Variants in MUC6 observed in about 807,000 individuals in gnomAD.
MUC6 encodes the protein mucin 6, oligomeric mucus/gel-forming (gene/pseudogene).
A neutral mutation model predicts 201.5 loss-of-function variants in MUC6; 188 were observed. The observed-to-expected ratio is 0.93, with a 90% confidence interval of 0.83 to 1.05. The LOEUF (loss-of-function observed/expected upper bound fraction) is 1.05, where lower values mean the gene tolerates loss of function less well. Ranked by LOEUF, MUC6 falls within the 50% of genes least tolerant of loss-of-function variation. The pLI is 0.00. For synonymous variants in MUC6, 1,228 were observed against 1,389.4 expected (o/e 0.88, Z 2.58); for missense variants, 2,706 against 3,256.9 (o/e 0.83, Z 4.12).
chr11:1,030,483 A>G, intron 7 of MUC6, 90 bp downstream of exon 7: 2 of 1,433,222 alleles, frequency 1.4e-6, no homozygotes, highest in Non-Finnish European at 1.9e-6. Context: ...GGAGGGATGC[A>G]GGCGTCACGT....
intron 24 of MUC6, among the ~76,000 whole-genome samples, chr11:1,024,635 C>T (rs562916617): frequency 5.3e-5 from 8 of 152,244 alleles, no homozygotes; most frequent in South Asian, 2.1e-4. Context: ...GGGTGGAGGC[C>T]GGGGGGCTGC....
chr11:1,015,911 G>A lies in MUC6; in HGVS notation c.6890C>T (p.Thr2297Ile). The A allele has an allele frequency of 6.2e-7, 1 of 1,606,424 alleles. No individual in the cohort carries two copies. The highest frequency in any genetic ancestry group is 8.5e-7 in the Non-Finnish European group (1 of 1,175,626). Reference sequence around the variant, plus strand: ...GGTGGTAAGGTTGGTGACTGGAGAGGTGGGGATACCCGTCACCCCCGAGGT... The same window carrying A: ...GGTGGTAAGGTTGGTGACTGGAGAGATGGGGATACCCGTCACCCCCGAGGT... ...SLTSGVTGIP[T>I]SPVTNLTTRH... The change falls in exon 31 of 33, where the codon ACC becomes ATC. Residue 2297 changes from threonine (T) to isoleucine (I), a missense_variant. Thr to Ile is a moderately conservative substitution (Grantham distance 89). Coordinates refer to ENST00000421673, the MANE Select transcript of MUC6 (RefSeq NM_005961.3).
intron 23 of MUC6, 48 bp downstream of exon 23, chr11:1,025,134 A>T: frequency 6.2e-7 from 1 of 1,610,590 alleles, no homozygotes; most frequent in Non-Finnish European, 8.5e-7. Flanking sequence ...ATCTGTCTCC[A>T]CCCCTGCATC....
In MUC6 at chr11:1,024,133, G is replaced by C. The variant is rs764354242; in HGVS notation, c.3226-30C>G. Reference sequence around the variant, plus strand: ...AGGGGTGTGTGCCAGTCAGTGTCTGGCTGCCGGGGGATGGCGGGGCATCAG... The same window carrying C: ...AGGGGTGTGTGCCAGTCAGTGTCTGCCTGCCGGGGGATGGCGGGGCATCAG... On this transcript the variant is annotated intron_variant, in intron 24 of 32. Coordinates refer to ENST00000421673, the MANE Select transcript of MUC6 (RefSeq NM_005961.3). The C allele has an allele frequency of 3.1e-6, 5 of 1,598,200 alleles. No individual in the cohort carries two copies. The Admixed American group carries it at 8.4e-5, about 27-fold the overall frequency.
chr11:1,016,547 G>A lies in MUC6; in HGVS notation c.6254C>T (p.Ser2085Phe), dbSNP rs774113788. ...CCAAGACGAGGAGGATATGAAGGAA[G>A]AAGAGGCTGTAGCTGTGCTGAATGA... Reference protein sequence around the residue: ...HSSFSTATASSSFISSSSWLP... With the variant: ...HSSFSTATASFSFISSSSWLP... The change falls in exon 31 of 33, where the codon TCT becomes TTT. Residue 2085 changes from serine (S) to phenylalanine (F), a missense_variant. Coordinates refer to ENST00000421673, the MANE Select transcript of MUC6 (RefSeq NM_005961.3). The A allele has an allele frequency of 1.9e-6, 3 of 1,613,388 alleles. No homozygotes were observed. Among genetic ancestry groups the A allele is most frequent in the Middle Eastern group, 1.7e-4 (1 of 6,060 alleles).
Position 1,016,077 on chromosome 11 carries a change from C to A in MUC6, c.6724G>T (p.Ala2242Ser). ...GACGGAAATGCAATGGTGCTGGAGGCTAGGTGGCTGGATGGGGTGGGAGAC... is the reference window on the plus strand; with the variant it reads ...GACGGAAATGCAATGGTGCTGGAGGATAGGTGGCTGGATGGGGTGGGAGAC... ...TVSPTPSSHLASSTIAFPSTP... is the reference protein window; with the variant it reads ...TVSPTPSSHLSSSTIAFPSTP... The change falls in exon 31 of 33, where the codon GCC (alanine) becomes TCC (serine). Residue 2242 changes from alanine to serine, a missense_variant. Around this residue, in one of 10 missense-constraint regions of MUC6, gnomAD observed 586 missense variants for 488.0 expected, o/e 1.20. Transcript: ENST00000421673. 6.2e-7 allele frequency: 1 copy of A among 1,612,524 alleles called. No homozygotes were observed. The highest frequency in any genetic ancestry group is 8.5e-7 in the Non-Finnish European group (1 of 1,179,102).
At position 1,018,557 on chromosome 11, in the gene MUC6, GGACTCCCCGCCGTAGGC is replaced by G; in HGVS notation, c.4227_4243del (p.Pro1410ArgfsTer25). On this transcript the variant is annotated frameshift_variant, in exon 31 of 33. Transcript: ENST00000421673. LOFTEE classifies it high-confidence loss of function. ...AGTGACAGGACCTGTGGAAGGGACG[GGACTCCCCGCCGTAGGC>G]GGGGAGTGTGTGGTGTGTGGGGTTT... 6.2e-7 allele frequency: 1 copy of G among 1,613,260 alleles called. No homozygotes were observed. Among genetic ancestry groups the G allele is most frequent in the Non-Finnish European group, 8.5e-7 (1 of 1,179,582 alleles).
chr11:1,031,083 C>T (rs770763811), intron 5 of MUC6, 27 bp from the exon 6 acceptor site: 118 of 1,548,812 alleles, frequency 7.6e-5, no homozygotes, highest in Middle Eastern at 1.9e-4. Context: ...GGGTCAGCAC[C>T]GTGGGGGCTG....
intron 30 of MUC6, 33 bp downstream of exon 30, chr11:1,019,242 G>A: frequency 1.2e-6 from 2 of 1,604,198 alleles, no homozygotes; most frequent in Non-Finnish European, 1.7e-6. Context: ...GGTGCCTTCG[G>A]CAGTGCTGGC....
chr11:1,014,303 A>G (rs1856551632), intron 31 of MUC6, among the ~76,000 whole-genome samples: 1 of 152,226 alleles, frequency 6.6e-6, no homozygotes, highest in Non-Finnish European at 1.5e-5. Flanking sequence ...CTTGGGCCCC[A>G]GCTTCCCTGA....
chr11:1,035,719 G>A (rs1458824963), intron 1 of MUC6, among the ~76,000 whole-genome samples: 3 of 152,122 alleles, frequency 2.0e-5, no homozygotes, highest in East Asian at 1.9e-4. Flanking sequence ...AGCCCGAGGC[G>A]CCCAGGTTGG....
At position 1,018,293 on chromosome 11, in the gene MUC6, G is replaced by T; in HGVS notation, c.4508C>A (p.Thr1503Lys). The change falls in exon 31 of 33, where the codon ACG becomes AAG. Residue 1503 changes from threonine to lysine, a missense_variant. This residue lies in a region of MUC6 where 128 missense variants were observed against 206.5 expected (regional missense o/e 0.62). Coordinates refer to ENST00000421673, the MANE Select transcript of MUC6 (RefSeq NM_005961.3). ...TGSTHTAPPI[T>K]PTTSGTSQAH... is the part of the protein sequence containing the mutation. ...TTGGCTGGTCCCACTGGTGGTCGGC[G>T]TTATTGGTGGGGCTGTGTGGGTGGA... 1 of 1,601,534 alleles carries T rather than the reference G, an allele frequency of 6.2e-7. No individual in the cohort carries two copies.
At position 1,033,727 on chromosome 11, in the gene MUC6, C is replaced by T. The variant is rs1163228379; in HGVS notation, c.53-652G>A. Among the ~76,000 whole-genome samples the T allele has an allele frequency of 2.0e-5, 3 of 151,980 alleles. No individual in the cohort carries two copies. The highest frequency in any genetic ancestry group is 7.2e-5 in the African/African-American group (3 of 41,382). On this transcript the variant is annotated intron_variant, in intron 1 of 32. Coordinates refer to ENST00000421673, the MANE Select transcript of MUC6 (RefSeq NM_005961.3). The surrounding 1 kb of genome is among the most constrained non-coding windows in gnomAD (Gnocchi z 5.6). ...CCCAGAGGCTGGGGTGGGGCCAACACCCCCCACGTCCCACCCCCTGTACCC... is the reference window on the plus strand; with the variant it reads ...CCCAGAGGCTGGGGTGGGGCCAACATCCCCCACGTCCCACCCCCTGTACCC...
At chr11:1,025,707 C>G in intron 22 of MUC6, 98 bp downstream of exon 22, 1 of 1,185,386 alleles carries the variant, frequency 8.4e-7, no homozygotes, top group East Asian at 2.6e-5. Context: ...GGCTGCATCT[C>G]GGGGCAGGAC....
intron 1 of MUC6, among the ~76,000 whole-genome samples, chr11:1,036,337 C>T (rs1041335172): frequency 4.6e-5 from 7 of 152,210 alleles, no homozygotes; most frequent in African/African-American, 1.2e-4. Flanking sequence ...CGTCCTCCCC[C>T]GCTGGCTGCT....
In MUC6 at chr11:1,029,602, A is replaced by G. The variant is rs374465099; in HGVS notation, c.1029T>C (p.Asn343=). Residue 343 remains asparagine (N), a synonymous_variant, in exon 9 of 33, where the codon AAT becomes AAC. Coordinates refer to ENST00000421673, the MANE Select transcript of MUC6 (RefSeq NM_005961.3). ...CGCAGGTGTGGTTATTGGAGAGGTCATTCAGGACCGTACCTGCAGGAGAGG... is the reference window on the plus strand; with the variant it reads ...CGCAGGTGTGGTTATTGGAGAGGTCGTTCAGGACCGTACCTGCAGGAGAGG... ...GCFCPEGTVL[N]DLSNNHTCVP... 6.8e-5 allele frequency: 108 copies of G among 1,594,910 alleles called. No homozygotes were observed. The highest frequency in any genetic ancestry group is 8.1e-5 in the Non-Finnish European group (95 of 1,168,586).
intron 1 of MUC6, 148 bp downstream of exon 1, chr11:1,036,456 G>T: frequency 1.1e-6 from 1 of 908,460 alleles, no homozygotes; most frequent in Non-Finnish European, 1.6e-6. Context: ...TGGCAGCGGG[G>T]GCTGGTCACG....
chr11:1,028,080 C>T (rs545330029), intron 14 of MUC6, 21 bp from the exon 15 acceptor site: 12 of 1,556,480 alleles, frequency 7.7e-6, no homozygotes, highest in East Asian at 4.8e-5. Context: ...CAGGCCCGGG[C>T]GTGAGTCCCG....
chr11:1,027,697 C>G lies in MUC6; in HGVS notation c.1969G>C (p.Val657Leu), dbSNP rs1215481496. Residue 657 changes from valine to leucine, a missense_variant, in exon 16 of 33, where the codon GTG (valine) becomes CTG (leucine). By Grantham distance (32) the Val-to-Leu change is conservative (BLOSUM62 1). Transcript: ENST00000421673. ...GVLLWGWRSS[V>L]DNCTIPCTGN... ...GTCGGGCACTCACTGCAGTTGTCCA[C>G]ACTGCTTCTCCAGCCCCAGAGCAGG... is the stretch of plus-strand genomic sequence containing the variant. The G allele has an allele frequency of 1.0e-5, 16 of 1,601,584 alleles. No homozygotes were observed. Among genetic ancestry groups the G allele is most frequent in the Non-Finnish European group, 1.4e-5 (16 of 1,174,920 alleles).
Sources: gnomAD v4.1 joint callset for allele counts (sites outside exome capture counted in the v4.1 genomes callset) on GRCh38, gnomAD v4.1.1 for gene constraint, gnomAD v4.1.1 regional missense constraint, Gnocchi (gnomAD v3.1) non-coding constraint, MANE v1.5 for transcripts, NCBI Gene and HGNC (gene_info 2026-07-23, HGNC 2026-07-21) for gene names.